METTL6: variants seen among roughly 807,000 people sequenced by gnomAD.
The protein encoded by METTL6 is methyltransferase 6, tRNA N3-cytidine.
METTL6 carries 22 observed loss-of-function variants against 26.4 expected under a neutral mutation model. That is an observed-to-expected ratio of 0.83 (90% confidence interval 0.59 to 1.19). METTL6 has a LOEUF of 1.19. METTL6 is among the 50% of genes most tolerant of loss of function. The pLI is 0.00. For missense variants in METTL6, 304 were observed against 324.8 expected (o/e 0.94, Z 0.49); for synonymous variants, 109 against 116.2 (o/e 0.94, Z 0.40).
At chr3:15,413,897 G>A (rs987070107) in intron 5 of METTL6, 124 bp downstream of exon 5, 12 of 1,548,834 alleles carry the variant, frequency 7.7e-6, no homozygotes, top group South Asian at 1.2e-5. Context: ...TGCAGTAGAG[G>A]GCTTGTTTCA....
rs555686108 is a variant in METTL6 at position 15,426,593 on chromosome 3, A to AC, written c.-83dup. ...ATGAATCCACGCTAATGGATCAGAT[A>AC]CATTTCCTGAGGTGAGTTTCACGCC... On this transcript the variant is annotated 5_prime_UTR_variant, in exon 2 of 6. The change abolishes the stop of an existing upstream ORF in the 5' untranslated region. Transcript: ENST00000383790. 2.2e-4 allele frequency: 281 copies of AC among 1,303,190 alleles called. 2 individuals carry two copies. In the African/African-American group the frequency reaches 3.6e-3, roughly 17 times the overall value. The allele number at this position is 1,303,190 out of a possible 1,614,324, so 80.7% of individuals were successfully genotyped here.
At chr3:15,391,214 T>C (rs1699335554) in intron 6 of METTL6, among the ~76,000 whole-genome samples, 2 of 152,228 alleles carry the variant, frequency 1.3e-5, no homozygotes, top group Non-Finnish European at 2.9e-5. Flanking sequence ...GAAATCTTTT[T>C]ATGAGCACAG....
At chr3:15,399,064 T>C (rs1275797345) in intron 6 of METTL6, among the ~76,000 whole-genome samples, 2 of 152,100 alleles carry the variant, frequency 1.3e-5, no homozygotes, top group Admixed American at 6.5e-5. Flanking sequence ...TAATTAAATA[T>C]ATTAGCATGC....
chr3:15,405,757 G>T (rs1575407805), downstream of METTL6, among the ~76,000 whole-genome samples: 3 of 152,074 alleles, frequency 2.0e-5, no homozygotes, highest in East Asian at 3.9e-4. Flanking sequence ...CAAAATAATA[G>T]AAATAACTAA....
At chr3:15,415,121 G>C (rs1001381568) in intron 4 of METTL6, among the ~76,000 whole-genome samples, 1 of 152,128 alleles carries the variant, frequency 6.6e-6, no homozygotes, top group Non-Finnish European at 1.5e-5. Context: ...TCCTCATTCT[G>C]AGCCTCAGCT....
At chr3:15,389,133 C>T (rs145064767) in intron 6 of METTL6, among the ~76,000 whole-genome samples, 61 of 151,576 alleles carry the variant, frequency 4.0e-4, no homozygotes, top group African/African-American at 1.3e-3. Context: ...TGGGATTACA[C>T]GCATGAGGCA....
intron 3 of METTL6, among the ~76,000 whole-genome samples, chr3:15,422,484 G>T (rs2061630334): frequency 6.6e-6 from 1 of 152,080 alleles, no homozygotes; most frequent in South Asian, 2.1e-4. Context: ...AATTAGCCAG[G>T]GGTGGTAGTA....
At chr3:15,394,901 A>C (rs1699446388) in intron 6 of METTL6, among the ~76,000 whole-genome samples, 1 of 152,192 alleles carries the variant, frequency 6.6e-6, no homozygotes, top group Admixed American at 6.5e-5. Flanking sequence ...ACATTTGCTG[A>C]GGAGTGCTTT....
In METTL6 at chr3:15,411,139, C is replaced by T. The variant is rs1699946532; in HGVS notation, c.*117G>A. ...CAAACTCCTGACCTCAGATGATCCC[C>T]CAACCTCGGCCTCCCGAAGTGCTGG... On this transcript the variant is annotated 3_prime_UTR_variant, in exon 6 of 6. Transcript: ENST00000383790. 2 of 1,166,430 alleles carry T rather than the reference C, an allele frequency of 1.7e-6. No individual in the cohort carries two copies. Among genetic ancestry groups the T allele is most frequent in the South Asian group, 1.6e-5 (1 of 62,830 alleles). The allele number at this position is 1,166,430 out of a possible 1,614,324, so 72.3% of individuals were successfully genotyped here.
intron 6 of METTL6, among the ~76,000 whole-genome samples, chr3:15,399,665 G>C (rs1361422127): frequency 2.0e-5 from 3 of 151,668 alleles, no homozygotes; most frequent in Admixed American, 2.0e-4. Flanking sequence ...GTTCAAGTAA[G>C]TAAATTTCCC....
At chr3:15,402,566 TC>T (rs1043581253) in intron 6 of METTL6, among the ~76,000 whole-genome samples, 4 of 151,658 alleles carry the variant, frequency 2.6e-5, no homozygotes, top group African/African-American at 9.7e-5. Context: ...AAACCCCCTC[TC>T]CACTAAAAAT....
At chr3:15,413,629 T>A in intron 5 of METTL6, 1 of 1,172,830 alleles carries the variant, frequency 8.5e-7, no homozygotes, top group Non-Finnish European at 1.1e-6. Context: ...CAGAAAAAGG[T>A]TTCCTGACTT....
chr3:15,427,113 C>G (rs2061742626), intron 1 of METTL6, among the ~76,000 whole-genome samples: 1 of 152,178 alleles, frequency 6.6e-6, no homozygotes, highest in Admixed American at 6.5e-5. Context: ...CCTGATCACA[C>G]TCACAAGAGG....
At chr3:15,414,887 A>T in intron 4 of METTL6, 1 of 949,818 alleles carries the variant, frequency 1.1e-6, no homozygotes, top group Non-Finnish European at 1.4e-6. Flanking sequence ...ATGCCACTGC[A>T]CTCCAGCCTG....
At chr3:15,401,615 G>A (rs1699649881) in intron 6 of METTL6, among the ~76,000 whole-genome samples, 1 of 151,500 alleles carries the variant, frequency 6.6e-6, no homozygotes, top group African/African-American at 2.4e-5. Context: ...ACTGGTTGCG[G>A]TAAAGAAGCC....
intron 5 of METTL6, among the ~76,000 whole-genome samples, 168 bp from the exon 6 acceptor site, chr3:15,411,605 T>A (rs1308850612): frequency 6.6e-6 from 1 of 152,174 alleles, no homozygotes; most frequent in Non-Finnish European, 1.5e-5. Flanking sequence ...CTCCTTCTCC[T>A]CTTCTACCCA....
chr3:15,419,758 G>T (rs951582714), intron 3 of METTL6, among the ~76,000 whole-genome samples: 4 of 151,758 alleles, frequency 2.6e-5, no homozygotes, highest in African/African-American at 9.7e-5. Flanking sequence ...AATGTGTACA[G>T]ACATTTTGGG....
chr3:15,426,257 C>A (rs778092830), intron 2 of METTL6, 30 bp downstream of exon 2: 1 of 1,596,982 alleles, frequency 6.3e-7, no homozygotes, highest in Non-Finnish European at 8.6e-7. Flanking sequence ...AAATGAAGAA[C>A]AGCTCAGATA....
downstream of METTL6, among the ~76,000 whole-genome samples, chr3:15,409,245 C>A (rs890832230): frequency 6.6e-6 from 1 of 152,174 alleles, no homozygotes; most frequent in African/African-American, 2.4e-5. Context: ...ACCCCTCCTC[C>A]AGATGTAGTT....
Sources: gnomAD v4.1 joint callset for allele counts (sites outside exome capture counted in the v4.1 genomes callset) on GRCh38, gnomAD v4.1.1 for gene constraint, MANE v1.5 for transcripts, NCBI Gene and HGNC (gene_info 2026-07-23, HGNC 2026-07-21) for gene names.